IGSF11: variants seen among roughly 807,000 people sequenced by gnomAD.
IGSF11 encodes CXADR like 1.
In IGSF11, 22 loss-of-function variants were observed where a neutral mutation model predicts 41.0. That is an observed-to-expected ratio of 0.54 (90% confidence interval 0.38 to 0.77). The LOEUF (loss-of-function observed/expected upper bound fraction) is 0.77, where lower values mean the gene tolerates loss of function less well. IGSF11 is among the 30% of genes least tolerant of loss of function. The pLI is 0.00. For missense variants in IGSF11, 444 were observed against 530.8 expected (o/e 0.84, Z 1.61); for synonymous variants, 219 against 201.3 (o/e 1.09, Z -0.74).
intron 1 of IGSF11, among the ~76,000 whole-genome samples, chr3:119,113,000 G>T (rs951785990): frequency 1.3e-5 from 2 of 152,110 alleles, no homozygotes; most frequent in Admixed American, 1.3e-4. Flanking sequence ...GAGAACAAAG[G>T]GGGAGGTGCT....
chr3:119,123,179 A>C (rs2077356308), intron 1 of IGSF11, among the ~76,000 whole-genome samples: 1 of 152,128 alleles, frequency 6.6e-6, no homozygotes. Flanking sequence ...GAGCCCATGC[A>C]CCTTACGTGA....
chr3:119,029,175 C>CACACACACACACACAT (rs1393982549), intron 1 of IGSF11, among the ~76,000 whole-genome samples: 13 of 125,198 alleles, frequency 1.0e-4, no homozygotes, highest in African/African-American at 4.3e-4. Context: ...GGGGATAATA[C>CACACACACACACACAT]ACACACACAC....
In IGSF11 at chr3:118,963,662, A is replaced by G. The variant is rs568005364; in HGVS notation, c.53-33387T>C. 1.5e-4 allele frequency among the ~76,000 whole-genome samples: 23 copies of G among 152,320 alleles called. 1 individual carries two copies. In the South Asian group the frequency reaches 4.8e-3, roughly 32 times the overall value. The stretch of plus-strand genomic sequence containing the variant: ...AGAAGTCAGAGAACCTAAAAGCACT[A>G]GATTCCTATTGTTAGATGTATTCAG... On this transcript the variant is annotated intron_variant, in intron 1 of 6. Coordinates refer to ENST00000393775, the MANE Select transcript of IGSF11 (RefSeq NM_001015887.3).
At chr3:119,044,222 CA>C (rs1215788752) in intron 1 of IGSF11, among the ~76,000 whole-genome samples, 1 of 152,064 alleles carries the variant, frequency 6.6e-6, no homozygotes, top group African/African-American at 2.4e-5. Context: ...AAGACAATCA[CA>C]ACTTCTGAAA....
intron 1 of IGSF11, among the ~76,000 whole-genome samples, chr3:119,075,645 T>TA (rs2076481950): frequency 6.6e-6 from 1 of 152,180 alleles, no homozygotes; most frequent in Non-Finnish European, 1.5e-5. Context: ...AAGTAGGCTT[T>TA]ATTCCTGGGA....
chr3:119,096,870 G>A (rs562749022), intron 1 of IGSF11, among the ~76,000 whole-genome samples: 2 of 152,274 alleles, frequency 1.3e-5, no homozygotes, highest in East Asian at 3.9e-4. Context: ...AAGACACTGA[G>A]CTCTACTTCT....
At chr3:119,077,913 T>G (rs1196133227) in intron 1 of IGSF11, among the ~76,000 whole-genome samples, 1 of 152,152 alleles carries the variant, frequency 6.6e-6, no homozygotes, top group Non-Finnish European at 1.5e-5. Context: ...AAATCAAGAA[T>G]GCAATCTCAT....
chr3:119,084,016 G>C (rs1254337819), intron 1 of IGSF11, among the ~76,000 whole-genome samples: 1 of 152,126 alleles, frequency 6.6e-6, no homozygotes, highest in Non-Finnish European at 1.5e-5. Flanking sequence ...GGAAGACAGT[G>C]ATACTGATGA....
chr3:119,037,089 A>G (rs903410400), upstream of IGSF11, among the ~76,000 whole-genome samples: 1 of 152,232 alleles, frequency 6.6e-6, no homozygotes, highest in Non-Finnish European at 1.5e-5. Context: ...TTTTAAAAAA[A>G]TTCATAGAGA....
chr3:118,933,282 T>A (rs1462925196), intron 1 of IGSF11, among the ~76,000 whole-genome samples: 1 of 152,132 alleles, frequency 6.6e-6, no homozygotes, highest in Non-Finnish European at 1.5e-5. Context: ...TAACTTAATC[T>A]CTGAGTCTGT....
At chr3:119,064,212 C>A (rs114776442) in intron 1 of IGSF11, among the ~76,000 whole-genome samples, 1 of 152,170 alleles carries the variant, frequency 6.6e-6, no homozygotes, top group Non-Finnish European at 1.5e-5. Flanking sequence ...ACATTTATAT[C>A]TGCAGTCCAT....
chr3:119,009,274 CAAAAA>C (rs71975854), intron 1 of IGSF11, among the ~76,000 whole-genome samples: 55,021 of 151,284 alleles, frequency 0.36, 11,760 homozygotes, highest in African/African-American at 0.6. Context: ...TCCATGTTAC[CAAAAA>C]AAAGAGCAAA....
chr3:119,098,238 C>G (rs1253968064), intron 1 of IGSF11, among the ~76,000 whole-genome samples: 2 of 152,022 alleles, frequency 1.3e-5, no homozygotes, highest in Non-Finnish European at 2.9e-5. Flanking sequence ...TGGCAGATTA[C>G]TTAACCTTTT....
chr3:119,047,608 G>A (rs1406336734), intron 1 of IGSF11, among the ~76,000 whole-genome samples: 1 of 152,048 alleles, frequency 6.6e-6, no homozygotes, highest in Non-Finnish European at 1.5e-5. Context: ...AGTCAACAAG[G>A]ATACCCAGGA....
intron 1 of IGSF11, among the ~76,000 whole-genome samples, chr3:118,932,235 T>C (rs930026913): frequency 4.6e-5 from 7 of 152,190 alleles, no homozygotes; most frequent in Admixed American, 3.9e-4. Flanking sequence ...AAATAGGCCA[T>C]GGAGACCCTA....
intron 1 of IGSF11, chr3:118,983,477 T>C (rs760401850): frequency 6.6e-6 from 1 of 152,190 alleles, no homozygotes; most frequent in Non-Finnish European, 1.5e-5. Context: ...GGTTTAGATG[T>C]AGTCTATAAG....
At chr3:119,132,645 CA>C (rs1205260051) in intron 1 of IGSF11, among the ~76,000 whole-genome samples, 2 of 152,058 alleles carry the variant, frequency 1.3e-5, no homozygotes, top group Non-Finnish European at 2.9e-5. Context: ...ATCCCACTGT[CA>C]ATAGTAGACA....
At chr3:118,995,755 C>A (rs928527162) in intron 1 of IGSF11, among the ~76,000 whole-genome samples, 1 of 152,098 alleles carries the variant, frequency 6.6e-6, no homozygotes, top group Admixed American at 6.5e-5. Flanking sequence ...TGGGTTCAAG[C>A]GATTCTCCTG....
At chr3:119,059,278 T>C (rs1941974587) in intron 1 of IGSF11, among the ~76,000 whole-genome samples, 1 of 152,058 alleles carries the variant, frequency 6.6e-6, no homozygotes, top group Admixed American at 6.6e-5. Context: ...TGGATGGAGT[T>C]GGAGACCATT....
Sources: gnomAD v4.1 joint callset for allele counts (sites outside exome capture counted in the v4.1 genomes callset) on GRCh38, gnomAD v4.1.1 for gene constraint, MANE v1.5 for transcripts, NCBI Gene and HGNC (gene_info 2026-07-23, HGNC 2026-07-21) for gene names.